Variants in CNTLN observed in about 807,000 individuals in gnomAD.
The protein encoded by CNTLN is centlein, also known as centlein, centrosomal protein.
In CNTLN, 212 loss-of-function variants were observed where a neutral mutation model predicts 180.0. The ratio of observed to expected loss-of-function variants is 1.18; its 90% CI spans 1.05 to 1.32. The LOEUF (loss-of-function observed/expected upper bound fraction) is 1.32, where lower values mean the gene tolerates loss of function less well. Ranked by LOEUF, CNTLN falls within the 40% of genes most tolerant of loss-of-function variation. The pLI is 0.00. For missense variants in CNTLN, 2,095 were observed against 1,610.9 expected, an observed-to-expected ratio of 1.30 and a Z score of -5.14; for synonymous variants, 722 against 563.1, an observed-to-expected ratio of 1.28 and a Z score of -3.99.
chr9:17,458,246 C>T (rs942036398), intron 19 of CNTLN, among the ~76,000 whole-genome samples: 3 of 151,182 alleles, frequency 2.0e-5, no homozygotes, highest in Non-Finnish European at 4.4e-5. Context: ...AATCTAAGAC[C>T]AAGCGAAACT....
chr9:17,137,611 GT>G (rs968173617), intron 1 of CNTLN, among the ~76,000 whole-genome samples: 1 of 152,066 alleles, frequency 6.6e-6, no homozygotes, highest in African/African-American at 2.4e-5. Context: ...AAAAAATGCT[GT>G]CCAGATCTAA....
At chr9:17,308,562 C>T (rs910074230) in intron 7 of CNTLN, among the ~76,000 whole-genome samples, 1 of 151,952 alleles carries the variant, frequency 6.6e-6, no homozygotes, top group Non-Finnish European at 1.5e-5. Context: ...ATGTTAAGTC[C>T]GATTAAACTG....
At chr9:17,369,842 C>G (rs1824153577) in intron 13 of CNTLN, among the ~76,000 whole-genome samples, 1 of 151,750 alleles carries the variant, frequency 6.6e-6, no homozygotes, top group Non-Finnish European at 1.5e-5. Context: ...CAAACATTAG[C>G]CAGGCATGGT....
intron 12 of CNTLN, among the ~76,000 whole-genome samples, chr9:17,346,332 T>A (rs959702267): frequency 1.3e-5 from 2 of 152,054 alleles, no homozygotes; most frequent in Non-Finnish European, 1.5e-5. Context: ...CACACTAGCA[T>A]GAGATCTCAC....
intron 20 of CNTLN, among the ~76,000 whole-genome samples, chr9:17,464,117 GA>G (rs991201066): frequency 6.6e-6 from 1 of 151,178 alleles, no homozygotes; most frequent in Non-Finnish European, 1.5e-5. Flanking sequence ...TGAAGTATAA[GA>G]TTTTTTTCTT....
chr9:17,150,256 T>G (rs1818765578), intron 2 of CNTLN, among the ~76,000 whole-genome samples: 1 of 152,190 alleles, frequency 6.6e-6, no homozygotes, highest in Admixed American at 6.5e-5. Flanking sequence ...ATTGCCCAGG[T>G]TTTCTTCTAA....
At chr9:17,505,247 C>A (rs1276877561), downstream of CNTLN, among the ~76,000 whole-genome samples, 3 of 151,998 alleles carry the variant, frequency 2.0e-5, no homozygotes, top group Non-Finnish European at 2.9e-5. Flanking sequence ...CCAAACACTT[C>A]CCCCTATAAT....
At chr9:17,288,198 G>T (rs1829119371) in intron 6 of CNTLN, among the ~76,000 whole-genome samples, 1 of 121,978 alleles carries the variant, frequency 8.2e-6, no homozygotes, top group Non-Finnish European at 1.6e-5. Flanking sequence ...AGAGATTCTG[G>T]TATGTTGTGT....
At chr9:17,287,391 C>A (rs12236488) in intron 6 of CNTLN, among the ~76,000 whole-genome samples, 24,344 of 148,994 alleles carry the variant, frequency 0.16, 2,162 homozygotes, top group South Asian at 0.27. Flanking sequence ...TTTTGATGTG[C>A]TGCTGGATTC....
At chr9:17,328,124 A>G (rs1303259620) in intron 8 of CNTLN, among the ~76,000 whole-genome samples, 1 of 152,192 alleles carries the variant, frequency 6.6e-6, no homozygotes, top group Non-Finnish European at 1.5e-5. Flanking sequence ...ATCTATTTCT[A>G]CATATAATAT....
At chr9:17,191,213 A>T (rs535164996) in intron 2 of CNTLN, among the ~76,000 whole-genome samples, 11 of 152,364 alleles carry the variant, frequency 7.2e-5, no homozygotes, top group African/African-American at 2.4e-4. Flanking sequence ...CAGATTGGAC[A>T]CTGCCACCCT....
chr9:17,258,454 G>A lies in CNTLN; in HGVS notation c.850-15279G>A, dbSNP rs565100075. Among the ~76,000 whole-genome samples, 62 of 151,328 alleles carry A rather than the reference G, an allele frequency of 4.1e-4. 1 individual carries two copies. Among genetic ancestry groups the A allele is most frequent in the African/African-American group, 1.4e-3 (58 of 40,808 alleles). On this transcript the variant is annotated intron_variant, in intron 5 of 25. Transcript: ENST00000380647. ...TCTTTTGGCTTAGGATTGACTTGGC[G>A]ATGCGGGCTCTCTTTTGGTTCCATA... is the stretch of plus-strand genomic sequence containing the variant.
intron 18 of CNTLN, among the ~76,000 whole-genome samples, chr9:17,444,785 A>C (rs886464049): frequency 1.3e-4 from 20 of 152,326 alleles, no homozygotes; most frequent in African/African-American, 4.8e-4. Context: ...ACTTGAAAGA[A>C]TATGATAAAC....
chr9:17,488,113 A>G (rs2243877), intron 25 of CNTLN, among the ~76,000 whole-genome samples: 13,211 of 152,202 alleles, frequency 0.087, 655 homozygotes, highest in South Asian at 0.19. Flanking sequence ...TTTTACATTT[A>G]TATTAACAAG....
At chr9:17,359,478 A>T (rs1823119441) in intron 12 of CNTLN, among the ~76,000 whole-genome samples, 1 of 152,002 alleles carries the variant, frequency 6.6e-6, no homozygotes, top group Admixed American at 6.6e-5. Context: ...ATATATGTCC[A>T]GGAAAGTAGT....
intron 12 of CNTLN, among the ~76,000 whole-genome samples, chr9:17,360,633 A>T (rs1221903979): frequency 1.3e-5 from 2 of 152,172 alleles, no homozygotes; most frequent in Admixed American, 6.5e-5. Flanking sequence ...TGGGCTTAGG[A>T]GAAGGTTCAG....
At chr9:17,235,909 TC>T in intron 4 of CNTLN, 117 bp downstream of exon 4, 1 of 977,562 alleles carries the variant, frequency 1.0e-6, no homozygotes, top group Non-Finnish European at 1.5e-6. Flanking sequence ...CCTTAGGCCC[TC>T]CTGTACCATA....
chr9:17,272,545 G>A (rs1008329267), intron 5 of CNTLN, among the ~76,000 whole-genome samples: 1 of 152,102 alleles, frequency 6.6e-6, no homozygotes, highest in African/African-American at 2.4e-5. Flanking sequence ...ACCTCAGTCT[G>A]GAGCTAGATC....
intron 1 of CNTLN, among the ~76,000 whole-genome samples, chr9:17,136,550 C>T (rs1163435993): frequency 2.6e-5 from 4 of 152,270 alleles, no homozygotes; most frequent in Non-Finnish European, 4.4e-5. Flanking sequence ...AGGACAGTCT[C>T]GATCTCCTGA....
Sources: allele counts gnomAD v4.1 joint callset (sites outside exome capture counted in the v4.1 genomes callset), GRCh38; gene constraint gnomAD v4.1.1; transcripts MANE v1.5; gene names NCBI Gene and HGNC (gene_info 2026-07-23, HGNC 2026-07-21).